The following LIFR variants were observed in gnomAD, a reference collection of about 807,000 sequenced individuals.
LIFR encodes the protein leukemia inhibitory factor receptor.
LIFR carries 84 observed loss-of-function variants against 122.2 expected under a neutral mutation model. The observed-to-expected ratio is 0.69, with a 90% CI of 0.58 to 0.82. The LOEUF is 0.82. Among genes scored for constraint, LIFR ranks in the 40% least tolerant of loss-of-function variants. The pLI is 0.00. For synonymous variants in LIFR, 422 were observed against 434.7 expected (o/e 0.97, Z 0.36); for missense variants, 1,294 against 1,311.6 (o/e 0.99, Z 0.21).
At chr5:38,502,181 A>T (rs1175762492) in intron 11 of LIFR, among the ~76,000 whole-genome samples, 1 of 152,180 alleles carries the variant, frequency 6.6e-6, no homozygotes, top group Non-Finnish European at 1.5e-5. Context: ...ATCATTTAAA[A>T]TATCTGTGAT....
At chr5:38,515,417 G>C in intron 5 of LIFR, among the ~76,000 whole-genome samples, 1 of 152,086 alleles carries the variant, frequency 6.6e-6, no homozygotes, top group Non-Finnish European at 1.5e-5. Flanking sequence ...AGCCTGCAAA[G>C]AATTTAGGAT....
intron 1 of LIFR, among the ~76,000 whole-genome samples, chr5:38,541,758 T>G (rs1197170124): frequency 1.3e-5 from 2 of 152,120 alleles, no homozygotes; most frequent in Admixed American, 6.5e-5. Context: ...ATAATAGGAT[T>G]CTAATAAATA....
intron 5 of LIFR, among the ~76,000 whole-genome samples, chr5:38,515,497 AT>A (rs972944955): frequency 3.7e-4 from 57 of 152,246 alleles, no homozygotes; most frequent in African/African-American, 1.3e-3. Context: ...AAAATTGTGG[AT>A]TTTTTTATAG....
chr5:38,533,039 A>G (rs1747101670), intron 1 of LIFR, among the ~76,000 whole-genome samples: 1 of 152,244 alleles, frequency 6.6e-6, no homozygotes, highest in South Asian at 2.1e-4. Context: ...TGCCTAGCAT[A>G]AAAGTGGCAG....
chr5:38,523,546 G>A lies in LIFR; in HGVS notation c.434C>T (p.Ser145Phe). ...TAATGTAGAGGTTGAGAAATCAGCA[G>A]ACAAATTCAAGATCTCTGGAGTATC... ...IPDTPEILNLSADFSTSTLYL... is the reference protein window; with the variant it reads ...IPDTPEILNLFADFSTSTLYL... The change falls in exon 5 of 20, where the codon TCT (serine) becomes TTT (phenylalanine). Residue 145 changes from serine (S) to phenylalanine (F), a missense_variant. Physicochemically the swap from Ser to Phe is radical, Grantham distance 155 (BLOSUM62 -2). Coordinates refer to ENST00000453190, the MANE Select transcript of LIFR (RefSeq NM_001127671.2). 1 of 1,613,392 alleles carries A rather than the reference G, an allele frequency of 6.2e-7. No homozygotes were observed. The highest frequency in any genetic ancestry group is 8.5e-7 in the Non-Finnish European group (1 of 1,179,458).
upstream of LIFR, among the ~76,000 whole-genome samples, chr5:38,596,479 C>A (rs1335026685): frequency 1.3e-5 from 2 of 152,182 alleles, no homozygotes; most frequent in African/African-American, 4.8e-5. Flanking sequence ...GTTTCCAATT[C>A]ACTATCTGGG....
At chr5:38,539,998 T>C (rs1425237930) in intron 1 of LIFR, among the ~76,000 whole-genome samples, 1 of 152,150 alleles carries the variant, frequency 6.6e-6, no homozygotes, top group African/African-American at 2.4e-5. Context: ...GTCATACAGC[T>C]AGTAAGGAGC....
intron 1 of LIFR, among the ~76,000 whole-genome samples, chr5:38,544,832 G>A (rs974002082): frequency 5.3e-5 from 8 of 152,228 alleles, no homozygotes; most frequent in African/African-American, 1.9e-4. Context: ...CCTCTTCAGC[G>A]CTATAGCCCC....
chr5:38,539,186 T>C (rs938688369), intron 1 of LIFR, among the ~76,000 whole-genome samples: 2 of 152,130 alleles, frequency 1.3e-5, no homozygotes, highest in Admixed American at 6.5e-5. Context: ...CCTGACCTAG[T>C]GATCCGCCTG....
intron 1 of LIFR, among the ~76,000 whole-genome samples, chr5:38,573,460 G>A (rs1395264208): frequency 6.6e-6 from 1 of 152,226 alleles, no homozygotes; most frequent in Non-Finnish European, 1.5e-5. Context: ...AGAAGTTGAT[G>A]CATAGTAAGC....
At chr5:38,488,527 A>T (rs1484112839) in intron 16 of LIFR, among the ~76,000 whole-genome samples, 1 of 152,222 alleles carries the variant, frequency 6.6e-6, no homozygotes, top group Non-Finnish European at 1.5e-5. Flanking sequence ...TGTATTTGTA[A>T]ATCTGAGAAT....
rs1473297394 is a variant in LIFR at position 38,576,595 on chromosome 5, C to T, written c.-20+18666G>A. Among the ~76,000 whole-genome samples the T allele has an allele frequency of 2.6e-5, 4 of 152,132 alleles. No individual in the cohort carries two copies. The East Asian group carries it at 5.8e-4, about 22-fold the overall frequency. ...GGACTCATAGAAACGTGACACCATCCGATAAGCAAACAACTACAAATGCCA... is the reference window on the plus strand; with the variant it reads ...GGACTCATAGAAACGTGACACCATCTGATAAGCAAACAACTACAAATGCCA... On this transcript the variant is annotated intron_variant, in intron 1 of 19. Transcript: ENST00000263409.
At chr5:38,517,325 C>T (rs963346385) in intron 5 of LIFR, among the ~76,000 whole-genome samples, 11 of 152,106 alleles carry the variant, frequency 7.2e-5, no homozygotes, top group Non-Finnish European at 1.0e-4. Context: ...GACCCCAGAG[C>T]AAATATTGCC....
intron 3 of LIFR, among the ~76,000 whole-genome samples, chr5:38,527,867 T>C (rs939605356): frequency 6.6e-6 from 1 of 152,346 alleles, no homozygotes; most frequent in Non-Finnish European, 1.5e-5. Context: ...ATATTCCTTA[T>C]ACTGTTGTTC....
chr5:38,573,298 G>C (rs1749274588), intron 1 of LIFR, among the ~76,000 whole-genome samples: 1 of 152,192 alleles, frequency 6.6e-6, no homozygotes, highest in Admixed American at 6.5e-5. Context: ...TACTAACTAG[G>C]TGATCTCAGG....
intron 1 of LIFR, chr5:38,595,077 C>G (rs1422865534): frequency 5.6e-6 from 1 of 177,628 alleles, no homozygotes; most frequent in East Asian, 9.6e-5. Flanking sequence ...TGGGTAAGTA[C>G]AGGTCACAGG....
At chr5:38,567,914 C>G (rs1299756031) in intron 1 of LIFR, among the ~76,000 whole-genome samples, 1 of 152,228 alleles carries the variant, frequency 6.6e-6, no homozygotes, top group African/African-American at 2.4e-5. Context: ...CATTCTCTCC[C>G]TACACCTCAC....
At chr5:38,492,992 A>G (rs915686113) in intron 14 of LIFR, among the ~76,000 whole-genome samples, 5 of 152,160 alleles carry the variant, frequency 3.3e-5, no homozygotes, top group African/African-American at 9.7e-5. Flanking sequence ...ATAGAGGGAC[A>G]CTCACCGGCA....
chr5:38,593,969 C>A (rs1410666207), intron 1 of LIFR, among the ~76,000 whole-genome samples: 1 of 151,836 alleles, frequency 6.6e-6, no homozygotes, highest in Non-Finnish European at 1.5e-5. Flanking sequence ...GTTACAGCAG[C>A]CTAAACAGAA....
Sources: allele counts gnomAD v4.1 joint callset (sites outside exome capture counted in the v4.1 genomes callset), GRCh38; gene constraint gnomAD v4.1.1; transcripts MANE v1.5; gene names NCBI Gene and HGNC (gene_info 2026-07-23, HGNC 2026-07-21).